CMSS1: variants seen among roughly 807,000 people sequenced by gnomAD.
The protein encoded by CMSS1 is protein CMSS1.
A neutral mutation model predicts 43.5 loss-of-function variants in CMSS1; 33 were observed. The observed-to-expected ratio is 0.76, with a 90% confidence interval of 0.57 to 1.01. The LOEUF is 1.01. CMSS1 is among the 50% of genes least tolerant of loss of function. CMSS1 has a pLI of 0.00. For missense variants in CMSS1, 313 were observed against 326.4 expected (o/e 0.96, Z 0.32); for synonymous variants, 115 against 117.2 (o/e 0.98, Z 0.12).
chr3:99,859,303 T>G (rs912009771), intron 1 of CMSS1, among the ~76,000 whole-genome samples: 8 of 152,260 alleles, frequency 5.3e-5, no homozygotes, highest in African/African-American at 1.4e-4. Context: ...CCTGTATTCT[T>G]GCACAGATCA....
chr3:100,015,068 T>G (rs1710301002), intron 1 of CMSS1, among the ~76,000 whole-genome samples: 1 of 151,922 alleles, frequency 6.6e-6, no homozygotes, highest in Non-Finnish European at 1.5e-5. Context: ...TTGAATTTTG[T>G]GTATTGTACG....
At chr3:99,930,842 T>C (rs1707456149) in intron 1 of CMSS1, 1 of 1,611,692 alleles carries the variant, frequency 6.2e-7, no homozygotes, top group African/African-American at 1.3e-5. Flanking sequence ...TTGGTGGCCA[T>C]TACCACTGTG....
At chr3:100,169,531 C>G (rs1420482170) in intron 6 of CMSS1, among the ~76,000 whole-genome samples, 1 of 152,224 alleles carries the variant, frequency 6.6e-6, no homozygotes, top group Non-Finnish European at 1.5e-5. Context: ...ATGAACTAAT[C>G]TAATCATGAA....
At chr3:99,976,002 A>G (rs781533547) in intron 1 of CMSS1, among the ~76,000 whole-genome samples, 6 of 152,158 alleles carry the variant, frequency 3.9e-5, no homozygotes, top group Admixed American at 2.0e-4. Flanking sequence ...CTCCTGCCTC[A>G]GCCTCCCAAG....
chr3:99,891,908 TAGA>T lies in CMSS1; in HGVS notation c.64+73870_64+73872del, dbSNP rs542177304. ...AGTCATTCTTAGGTCTACATATTAA[TAGA>T]AGAATCAGTCGGCTATCTAGAATAG... On this transcript the variant is annotated intron_variant, in intron 1 of 9. Transcript: ENST00000421999. 4.5e-3 allele frequency among the ~76,000 whole-genome samples: 687 copies of T among 152,334 alleles called. 4 individuals are homozygous for T. Among genetic ancestry groups the T allele is most frequent in the Non-Finnish European group, 7.8e-3 (532 of 68,032 alleles).
At chr3:99,845,780 A>AC (rs1179187180) in intron 1 of CMSS1, among the ~76,000 whole-genome samples, 4 of 152,114 alleles carry the variant, frequency 2.6e-5, no homozygotes, top group Admixed American at 6.5e-5. Flanking sequence ...CACTTGTAAT[A>AC]ATCTACACGT....
chr3:100,032,447 G>A (rs377765282), intron 1 of CMSS1, among the ~76,000 whole-genome samples: 15 of 152,270 alleles, frequency 9.9e-5, no homozygotes, highest in South Asian at 2.1e-4. Context: ...CATTTTATTC[G>A]GAATGGCAGC....
At position 100,117,850 on chromosome 3, in the gene CMSS1, TATAC is replaced by T. The variant is rs1209232987; in HGVS notation, c.65-29119_65-29116del. Among the ~76,000 whole-genome samples, 217 of 94,510 alleles carry T rather than the reference TATAC, an allele frequency of 2.3e-3. 2 individuals carry two copies. The highest frequency in any genetic ancestry group is 7.8e-3 in the African/African-American group (162 of 20,774). 62.0% of individuals were successfully genotyped at this position (94,510 alleles called of 152,430 possible). A position where few individuals can be genotyped will look rare whatever the true frequency, so the allele number is the denominator to read the frequency against. On this transcript the variant is annotated intron_variant, in intron 1 of 9. Coordinates refer to ENST00000421999, the MANE Select transcript of CMSS1 (RefSeq NM_032359.4). Reference sequence around the variant, plus strand: ...GTATATATATATATATATATATATATATACATATATATATATATATATATATATA... The same window carrying T: ...GTATATATATATATATATATATATATATATATATATATATATATATATATA...
chr3:100,112,217 A>G (rs1280809210), intron 1 of CMSS1, among the ~76,000 whole-genome samples: 2 of 152,230 alleles, frequency 1.3e-5, no homozygotes, highest in African/African-American at 4.8e-5. Context: ...AATGTTTTTT[A>G]ATGTAACATA....
intron 9 of CMSS1, among the ~76,000 whole-genome samples, chr3:100,177,736 C>T (rs2067159491): frequency 6.6e-6 from 1 of 152,180 alleles, no homozygotes; most frequent in African/African-American, 2.4e-5. Flanking sequence ...AATCCTAGTG[C>T]TTTGGGAGGC....
intron 1 of CMSS1, among the ~76,000 whole-genome samples, chr3:100,086,907 C>T (rs2066018786): frequency 6.6e-6 from 1 of 152,026 alleles, no homozygotes; most frequent in Admixed American, 6.6e-5. Context: ...GATTTTTTTT[C>T]TGTTCCTCTA....
rs150366639 is a variant in CMSS1 at position 100,037,939 on chromosome 3, C to CTTT, written c.65-109019_65-109017dup. ...TAGGTTTTCCTTTTTAATCGCTTTT[C>CTTT]TTTTTTTTTTTTTTTTTGGGGGGGG... On this transcript the variant is annotated intron_variant, in intron 1 of 9. Coordinates refer to ENST00000421999, the MANE Select transcript of CMSS1 (RefSeq NM_032359.4). Among the ~76,000 whole-genome samples, 459 of 118,118 alleles carry CTTT rather than the reference C, an allele frequency of 3.9e-3. 10 individuals are homozygous for CTTT. Among genetic ancestry groups the CTTT allele is most frequent in the African/African-American group, 0.013 (396 of 29,870 alleles). 77.5% of individuals were successfully genotyped at this position (118,118 alleles called of 152,430 possible).
chr3:100,024,572 CA>C (rs1406947563), intron 1 of CMSS1, among the ~76,000 whole-genome samples: 1 of 152,144 alleles, frequency 6.6e-6, no homozygotes, highest in Non-Finnish European at 1.5e-5. Flanking sequence ...CAGTTTACAT[CA>C]TATTAAATTA....
chr3:99,906,960 C>A (rs1273706219), intron 1 of CMSS1, among the ~76,000 whole-genome samples: 1 of 152,052 alleles, frequency 6.6e-6, no homozygotes, highest in East Asian at 1.9e-4. Flanking sequence ...TGGAGCAGAA[C>A]GACTTTTAAG....
intron 1 of CMSS1, chr3:99,850,912 A>G: frequency 6.2e-7 from 1 of 1,614,140 alleles, no homozygotes; most frequent in Non-Finnish European, 8.5e-7. Context: ...CTGTCTTTGA[A>G]GGGTGAGCTG....
At chr3:99,976,517 C>T (rs1278864723) in intron 1 of CMSS1, among the ~76,000 whole-genome samples, 3 of 152,248 alleles carry the variant, frequency 2.0e-5, no homozygotes, top group African/African-American at 7.2e-5. Flanking sequence ...CAGTAACTGG[C>T]AGTCTAGTCC....
chr3:100,053,333 A>G (rs1194706074), intron 1 of CMSS1, among the ~76,000 whole-genome samples: 1 of 152,202 alleles, frequency 6.6e-6, no homozygotes, highest in East Asian at 1.9e-4. Context: ...TGCTTCCTTC[A>G]AAGGCCGTAG....
At chr3:99,911,942 T>G (rs192995189) in intron 1 of CMSS1, among the ~76,000 whole-genome samples, 21 of 152,338 alleles carry the variant, frequency 1.4e-4, no homozygotes, top group Admixed American at 1.1e-3. Context: ...GTTCTCTCTT[T>G]TTTTTTCCAG....
chr3:99,969,656 G>A (rs1003926348), intron 1 of CMSS1, among the ~76,000 whole-genome samples: 2 of 152,150 alleles, frequency 1.3e-5, no homozygotes, highest in Admixed American at 6.5e-5. Context: ...GCAAAGGCAC[G>A]GGGAGCCTGG....
Sources: gnomAD v4.1 joint callset for allele counts (sites outside exome capture counted in the v4.1 genomes callset) on GRCh38, gnomAD v4.1.1 for gene constraint, MANE v1.5 for transcripts, NCBI Gene and HGNC (gene_info 2026-07-23, HGNC 2026-07-21) for gene names.